The following EPB41L3 variants were observed in gnomAD, a reference collection of about 807,000 sequenced individuals.
EPB41L3 encodes the protein band 4.1-like protein 3.
Under a neutral mutation model 127.1 loss-of-function variants are expected in EPB41L3, and 57 were observed. The observed-to-expected ratio is 0.45, with a 90% CI of 0.36 to 0.56. EPB41L3 has a LOEUF of 0.56. Ranked by LOEUF, EPB41L3 falls within the 20% of genes least tolerant of loss-of-function variation. The pLI is 0.00. For synonymous variants in EPB41L3, 572 were observed against 549.5 expected (o/e 1.04, Z -0.57); for missense variants, 1,273 against 1,372.2 (o/e 0.93, Z 1.14).
At chr18:5,549,802 T>A (rs1568560475) in intron 3 of EPB41L3, among the ~76,000 whole-genome samples, 1 of 151,994 alleles carries the variant, frequency 6.6e-6, no homozygotes, top group Non-Finnish European at 1.5e-5. Flanking sequence ...ATCCCACAGG[T>A]GACAAAGTGC....
intron 3 of EPB41L3, among the ~76,000 whole-genome samples, chr18:5,448,751 A>G (rs2081890372): frequency 6.6e-6 from 1 of 152,212 alleles, no homozygotes; most frequent in Non-Finnish European, 1.5e-5. Context: ...GTATGATATC[A>G]TCCCCAAAAT....
At chr18:5,476,962 A>G (rs1895974182) in intron 3 of EPB41L3, among the ~76,000 whole-genome samples, 1 of 152,240 alleles carries the variant, frequency 6.6e-6, no homozygotes, top group Non-Finnish European at 1.5e-5. Context: ...TAAATTTTCT[A>G]TAAATTGGTA....
chr18:5,589,067 T>C (rs1191084660), intron 3 of EPB41L3, among the ~76,000 whole-genome samples: 1 of 152,162 alleles, frequency 6.6e-6, no homozygotes, highest in Non-Finnish European at 1.5e-5. Flanking sequence ...TTCCCACAAA[T>C]AATTAAATGA....
intron 13 of EPB41L3, among the ~76,000 whole-genome samples, chr18:5,412,652 G>A (rs1035947471): frequency 4.6e-5 from 7 of 152,088 alleles, no homozygotes; most frequent in African/African-American, 1.7e-4. Context: ...TAACTTGCAA[G>A]CATTTTAGCA....
intron 3 of EPB41L3, among the ~76,000 whole-genome samples, chr18:5,601,118 T>C (rs918612643): frequency 1.3e-5 from 2 of 152,252 alleles, no homozygotes; most frequent in South Asian, 4.2e-4. Flanking sequence ...TATATAGGAA[T>C]ATGCAGGCAT....
In EPB41L3 at chr18:5,393,166, C is replaced by T. The variant is rs967323844; in HGVS notation, c.*319G>A. 3 of 315,838 alleles carry T rather than the reference C, an allele frequency of 9.5e-6. No individual in the cohort carries two copies. The highest frequency in any genetic ancestry group is 1.3e-4 in the South Asian group (1 of 7,944). 19.6% of individuals were successfully genotyped at this position (315,838 alleles called of 1,614,324 possible). The stretch of plus-strand genomic sequence containing the variant: ...ATTGTTTATGTGTTACATGAGACCA[C>T]GGTTTATATTGTTGGTTATGAACGT... On this transcript the variant is annotated 3_prime_UTR_variant, in exon 23 of 23. Transcript: ENST00000341928.
intron 13 of EPB41L3, among the ~76,000 whole-genome samples, chr18:5,414,603 T>A (rs541685608): frequency 6.6e-6 from 1 of 152,228 alleles, no homozygotes; most frequent in African/African-American, 2.4e-5. Context: ...TAAAAAAAAA[T>A]GCTAAGCGTA....
chr18:5,577,475 C>A, intron 3 of EPB41L3: 2 of 354,450 alleles, frequency 5.6e-6, no homozygotes, highest in Non-Finnish European at 5.5e-6. Flanking sequence ...CAGAAAGATC[C>A]CGGAAAGGTA....
intron 1 of EPB41L3, among the ~76,000 whole-genome samples, chr18:5,503,066 A>G (rs959325045): frequency 1.3e-5 from 2 of 152,222 alleles, no homozygotes; most frequent in Non-Finnish European, 2.9e-5. Flanking sequence ...ATTTTCTACA[A>G]AAGTACTATT....
At chr18:5,610,349 G>A in intron 3 of EPB41L3, 1 of 956,660 alleles carries the variant, frequency 1.0e-6, no homozygotes, top group Non-Finnish European at 1.2e-6. Flanking sequence ...CCACCCCACT[G>A]CCAATACAGT....
chr18:5,415,232 C>T (rs2076653790), intron 13 of EPB41L3, among the ~76,000 whole-genome samples: 1 of 152,172 alleles, frequency 6.6e-6, no homozygotes, highest in African/African-American at 2.4e-5. Flanking sequence ...TTAAACTGCT[C>T]TGACACAATA....
chr18:5,463,841 T>C (rs11875075), intron 3 of EPB41L3: 3 of 152,292 alleles, frequency 2.0e-5, no homozygotes, highest in African/African-American at 7.2e-5. Flanking sequence ...AAACGTGAGA[T>C]GATAAACACA....
rs147762167 is a variant in EPB41L3, at chr18:5,443,975, G to A, written c.487-95C>T. On this transcript the variant is annotated intron_variant, in intron 4 of 22. Coordinates refer to ENST00000341928, the MANE Select transcript of EPB41L3 (RefSeq NM_012307.5). ...AGACTCTCCCTAAATGCAGTGCGGA[G>A]TTAGTGGTCGTGGGAAGGCTTCCCT... 3.8e-6 allele frequency: 4 copies of A among 1,042,980 alleles called. No homozygotes were observed. The South Asian group carries it at 5.1e-5, about 13-fold the overall frequency. The allele number at this position is 1,042,980 out of a possible 1,614,324, so 64.6% of individuals were successfully genotyped here. A position where few individuals can be genotyped will look rare whatever the true frequency, so the allele number is the denominator to read the frequency against.
At chr18:5,501,161 A>T (rs142228737) in intron 1 of EPB41L3, among the ~76,000 whole-genome samples, 1 of 152,366 alleles carries the variant, frequency 6.6e-6, no homozygotes, top group East Asian at 1.9e-4. Context: ...CTATCGCTAC[A>T]GAAAAGAAAT....
intron 2 of EPB41L3, among the ~76,000 whole-genome samples, chr18:5,478,663 C>G (rs2087746928): frequency 6.6e-6 from 1 of 152,198 alleles, no homozygotes; most frequent in Non-Finnish European, 1.5e-5. Context: ...CCAGGACTTA[C>G]TTTAGAACCA....
At chr18:5,622,303 T>C (rs1342946864) in intron 1 of EPB41L3, among the ~76,000 whole-genome samples, 2 of 152,202 alleles carry the variant, frequency 1.3e-5, no homozygotes, top group South Asian at 2.1e-4. Flanking sequence ...GCACTTACAA[T>C]ACGCTAGCCA....
rs1177725369 is a variant in EPB41L3, at chr18:5,398,005, G to A, written c.2472+16C>T. ...GGGCACATTCAGAAACACCAAGGAC[G>A]AAAACAAATGGCCACCTGAACCCAG... On this transcript the variant is annotated intron_variant, in intron 17 of 22. Coordinates refer to ENST00000341928, the MANE Select transcript of EPB41L3 (RefSeq NM_012307.5). The A allele has an allele frequency of 3.1e-6, 5 of 1,613,998 alleles. No individual in the cohort carries two copies. The highest frequency in any genetic ancestry group is 2.2e-5 in the South Asian group (2 of 91,076).
chr18:5,441,654 C>A (rs1259711433), intron 5 of EPB41L3, among the ~76,000 whole-genome samples: 1 of 151,996 alleles, frequency 6.6e-6, no homozygotes, highest in Admixed American at 6.5e-5. Flanking sequence ...TTAGTAGAGA[C>A]GGGGTTTCAC....
intron 12 of EPB41L3, among the ~76,000 whole-genome samples, chr18:5,416,914 AAGG>A (rs1427834908): frequency 6.6e-6 from 1 of 152,152 alleles, no homozygotes; most frequent in Non-Finnish European, 1.5e-5. Context: ...CATCCAAAAC[AAGG>A]AGTTTACATT....
Sources: gnomAD v4.1 joint callset for allele counts (sites outside exome capture counted in the v4.1 genomes callset) on GRCh38, gnomAD v4.1.1 for gene constraint, MANE v1.5 for transcripts, NCBI Gene and HGNC (gene_info 2026-07-23, HGNC 2026-07-21) for gene names.